Variants in USP34 observed in about 807,000 individuals in gnomAD.
The protein encoded by USP34 is ubiquitin carboxyl-terminal hydrolase 34.
Under a neutral mutation model 460.3 loss-of-function variants are expected in USP34, and 70 were observed. That is an observed-to-expected ratio of 0.15 (90% CI 0.13 to 0.19). The LOEUF is 0.19. Among genes scored for constraint, USP34 ranks in the 10% least tolerant of loss-of-function variants. The pLI is 1.00. For missense variants in USP34, 3,985 were observed against 4,236.2 expected (o/e 0.94, Z 1.65); for synonymous variants, 1,647 against 1,405.3 (o/e 1.17, Z -3.85).
chr2:61,348,993 T>C, intron 13 of USP34, 107 bp from the exon 14 acceptor site: 1 of 1,275,130 alleles, frequency 7.8e-7, no homozygotes, highest in Non-Finnish European at 1.1e-6. Flanking sequence ...AGCTTTATGC[T>C]AAGTAGCCAA....
chr2:61,349,213 A>G, intron 13 of USP34, 37 bp downstream of exon 13: 2 of 1,597,584 alleles, frequency 1.3e-6, no homozygotes, highest in Non-Finnish European at 1.7e-6. Flanking sequence ...ATAAAAAACT[A>G]AGTCATGTTG....
intron 4 of USP34, 50 bp downstream of exon 4, chr2:61,395,133 G>GC (rs1558568963): frequency 6.8e-6 from 10 of 1,464,668 alleles, no homozygotes; most frequent in Non-Finnish European, 9.3e-6. Context: ...ATGAGGCTTT[G>GC]TTAAAAAAAT....
At chr2:61,420,895 T>C in intron 1 of USP34, 62 bp from the exon 2 acceptor site, 1 of 1,249,318 alleles carries the variant, frequency 8.0e-7, no homozygotes, top group South Asian at 1.5e-5. Context: ...AAGCCAACAG[T>C]TCAAAATAAA....
chr2:61,434,348 C>T (rs1694756265), intron 1 of USP34, among the ~76,000 whole-genome samples: 1 of 151,950 alleles, frequency 6.6e-6, no homozygotes, highest in South Asian at 2.1e-4. Flanking sequence ...CTGACAGACA[C>T]ATCTAGGCTG....
chr2:61,328,014 A>G (rs1435060673), intron 20 of USP34, among the ~76,000 whole-genome samples: 1 of 152,248 alleles, frequency 6.6e-6, no homozygotes, highest in Non-Finnish European at 1.5e-5. Flanking sequence ...TTAAGAACAT[A>G]CTACAGGTGC....
At chr2:61,379,206 CCAAAA>C (rs746751210) in intron 7 of USP34, among the ~76,000 whole-genome samples, 10 of 152,096 alleles carry the variant, frequency 6.6e-5, no homozygotes, top group African/African-American at 9.7e-5. Context: ...GACTACACTA[CCAAAA>C]CAAAACAAAA....
chr2:61,316,443 G>C (rs1572928441), intron 23 of USP34, among the ~76,000 whole-genome samples: 1 of 151,668 alleles, frequency 6.6e-6, no homozygotes, highest in South Asian at 2.1e-4. Flanking sequence ...AAATTAGCTG[G>C]GCGTGGTGGT....
intron 27 of USP34, among the ~76,000 whole-genome samples, chr2:61,307,206 A>G (rs1690437529): frequency 6.6e-6 from 1 of 151,864 alleles, no homozygotes; most frequent in African/African-American, 2.4e-5. Flanking sequence ...TCAGCAAACT[A>G]TCACAAGGAC....
At chr2:61,277,261 C>T (rs1474133499) in intron 41 of USP34, among the ~76,000 whole-genome samples, 1 of 143,878 alleles carries the variant, frequency 7.0e-6, no homozygotes, top group Non-Finnish European at 1.5e-5. Flanking sequence ...TTTTGAGACA[C>T]GTTCTCCTTC....
At chr2:61,439,227 CAG>C (rs928265719) in intron 1 of USP34, among the ~76,000 whole-genome samples, 1 of 152,174 alleles carries the variant, frequency 6.6e-6, no homozygotes, top group African/African-American at 2.4e-5. Flanking sequence ...GCCTGGGTAA[CAG>C]GGCAAAACCG....
intron 21 of USP34, among the ~76,000 whole-genome samples, chr2:61,319,865 CTAAACTTTCT>C (rs1690863235): frequency 6.6e-6 from 1 of 152,056 alleles, no homozygotes; most frequent in Non-Finnish European, 1.5e-5. Context: ...AAAAAATTCA[CTAAACTTTCT>C]TATTTAGAAG....
At chr2:61,460,748 G>A (rs10170994) in intron 1 of USP34, among the ~76,000 whole-genome samples, 2,900 of 152,196 alleles carry the variant, frequency 0.019, 88 homozygotes, top group African/African-American at 0.065. Flanking sequence ...ACTTTGGGAG[G>A]CCGAGGCAAG....
intron 67 of USP34, among the ~76,000 whole-genome samples, chr2:61,217,773 T>G (rs1024158708): frequency 1.3e-5 from 2 of 152,000 alleles, no homozygotes; most frequent in Non-Finnish European, 2.9e-5. Context: ...ACCAATACGG[T>G]GAAACCCCGT....
chr2:61,406,539 TA>T (rs1048855647), intron 2 of USP34, among the ~76,000 whole-genome samples: 7 of 152,084 alleles, frequency 4.6e-5, no homozygotes, highest in African/African-American at 1.7e-4. Flanking sequence ...TGTCAACTAA[TA>T]AAACAGCCAC....
intron 51 of USP34, among the ~76,000 whole-genome samples, 180 bp from the exon 52 acceptor site, chr2:61,241,999 A>G (rs1230397870): frequency 1.3e-5 from 2 of 152,048 alleles, no homozygotes; most frequent in African/African-American, 2.4e-5. Context: ...ATATATCCTA[A>G]TATCTTTTTT....
intron 21 of USP34, 99 bp downstream of exon 21, chr2:61,325,276 T>TAAA (rs369202857): frequency 4.3e-3 from 2,576 of 601,590 alleles, no homozygotes; most frequent in Middle Eastern, 5.2e-3. Context: ...TAAATTAAAC[T>TAAA]AAAAAAAAAA....
chr2:61,335,353 A>C (rs545991102), intron 18 of USP34, among the ~76,000 whole-genome samples: 1 of 152,368 alleles, frequency 6.6e-6, no homozygotes, highest in East Asian at 1.9e-4. Context: ...TTATAGTCAA[A>C]CTTACATTTC....
At chr2:61,425,500 A>G (rs1409004742) in intron 1 of USP34, among the ~76,000 whole-genome samples, 4 of 152,048 alleles carry the variant, frequency 2.6e-5, no homozygotes. Context: ...GTCCTGTGAG[A>G]GCAGAAAAGA....
chr2:61,246,239 C>A (rs1260022178), intron 50 of USP34, 85 bp downstream of exon 50: 1 of 1,192,418 alleles, frequency 8.4e-7, no homozygotes, highest in Non-Finnish European at 1.1e-6. Flanking sequence ...ACTTTTGTGG[C>A]AAGTTTTTAG....
Sources: gnomAD v4.1 joint callset for allele counts (sites outside exome capture counted in the v4.1 genomes callset) on GRCh38, gnomAD v4.1.1 for gene constraint, MANE v1.5 for transcripts, NCBI Gene and HGNC (gene_info 2026-07-23, HGNC 2026-07-21) for gene names.